The following VKORC1 variants were observed in gnomAD, a reference collection of about 807,000 sequenced individuals.
VKORC1 encodes phylloquinone epoxide reductase.
In VKORC1, 12 loss-of-function variants were observed where a neutral mutation model predicts 14.8. That is an observed-to-expected ratio of 0.81 (90% CI 0.52 to 1.31). The LOEUF is 1.31. Among genes scored for constraint, VKORC1 ranks in the 50% most tolerant of loss-of-function variants. The pLI is 0.00. For missense variants in VKORC1, 223 were observed against 215.3 expected, an observed-to-expected ratio of 1.04 and a Z score of -0.22; for synonymous variants, 94 against 92.5, an observed-to-expected ratio of 1.02 and a Z score of -0.09.
chr16:31,093,060 AAAC>A (rs1328150366), intron 2 of VKORC1, among the ~76,000 whole-genome samples: 10 of 152,082 alleles, frequency 6.6e-5, no homozygotes, highest in Admixed American at 1.3e-4. Flanking sequence ...CCCTGTCTCA[AAAC>A]AACAACAAAC....
At chr16:31,094,418 C>A in intron 1 of VKORC1, 139 bp downstream of exon 1, 1 of 1,612,944 alleles carries the variant, frequency 6.2e-7, no homozygotes, top group Non-Finnish European at 8.5e-7. Context: ...CTGGGTAGCT[C>A]AGCCCCTGTG....
rs1482710449 is a variant in VKORC1, at chr16:31,094,707, G to A, written c.23C>T (p.Pro8Leu). Reference sequence around the variant, plus strand: ...GCAAAGAGCGAGCCGCACCCAGCCAGGGCTCCCCCAGGTGCTGCCCATTAT... The same window carrying A: ...GCAAAGAGCGAGCCGCACCCAGCCAAGGCTCCCCCAGGTGCTGCCCATTAT... Reference protein sequence around the residue: MGSTWGSPGWVRLALCLT... With the variant: MGSTWGSLGWVRLALCLT... The change falls in exon 1 of 3, where the codon CCT (proline) becomes CTT (leucine). Residue 8 changes from proline to leucine, a missense_variant. Coordinates refer to ENST00000394975, the MANE Select transcript of VKORC1 (RefSeq NM_024006.6). The A allele has an allele frequency of 4.4e-6, 7 of 1,608,118 alleles. No individual in the cohort carries two copies. The highest frequency in any genetic ancestry group is 5.9e-6 in the Non-Finnish European group (7 of 1,178,828).
chr16:31,092,997 C>T (rs994752951), intron 2 of VKORC1: 66 of 425,440 alleles, frequency 1.6e-4, no homozygotes, highest in South Asian at 1.1e-3. Flanking sequence ...ACTGAGATCA[C>T]GCCAGTGCAC....
At chr16:31,092,581 C>A (rs2057296719) in intron 2 of VKORC1, among the ~76,000 whole-genome samples, 1 of 152,080 alleles carries the variant, frequency 6.6e-6, no homozygotes, top group Non-Finnish European at 1.5e-5. Context: ...GTCTCATCTC[C>A]GGCATATGGC....
intron 1 of VKORC1, chr16:31,094,031 T>A (rs2057310187): frequency 1.0e-6 from 1 of 966,174 alleles, no homozygotes; most frequent in Non-Finnish European, 1.5e-6. Context: ...ATGGCAAGGC[T>A]GGTATAACGG....
rs755256488 is a variant in VKORC1 at position 31,094,646 on chromosome 16, G to C, written c.84C>G (p.His28Gln). The change falls in exon 1 of 3, where the codon CAC (histidine) becomes CAG (glutamine). Residue 28 changes from histidine (H) to glutamine (Q), a missense_variant. Transcript: ENST00000394975. ...TGLVLSLYALHVKAARARDRD... is the reference protein window; with the variant it reads ...TGLVLSLYALQVKAARARDRD... ...GGTCCCGGGCGCGCGCCGCCTTCAC[G>C]TGCAGCGCGTAGAGCGAGAGCACTA... The C allele has an allele frequency of 6.2e-7, 1 of 1,607,234 alleles. No homozygotes were observed. Among genetic ancestry groups the C allele is most frequent in the South Asian group, 1.1e-5 (1 of 90,668 alleles).
Position 31,091,233 on chromosome 16 carries a change from G to A in VKORC1, c.393C>T (p.Phe131=). 1 of 1,614,220 alleles carries A rather than the reference G, an allele frequency of 6.2e-7. No homozygotes were observed. Among genetic ancestry groups the A allele is most frequent in the Non-Finnish European group, 8.5e-7 (1 of 1,180,054 alleles). Residue 131 remains phenylalanine (F), a synonymous_variant, in exon 3 of 3, where the codon TTC becomes TTT. Coordinates refer to ENST00000394975, the MANE Select transcript of VKORC1 (RefSeq NM_024006.6). The stretch of plus-strand genomic sequence containing the variant: ...CATAGGTGGTGATACAAACAATGCA[G>A]AAATCATAGAGCACGAAGAACAGGA... ...AWILFFVLYD[F]CIVCITTYAI...
At position 31,091,062 on chromosome 16, in the gene VKORC1, G is replaced by T. The variant is rs1596794614; in HGVS notation, c.*72C>A. ...ACATCTAGGGCCTTCTAGGGACCCA[G>T]ATATGCCCCCTTAGGCAAGGCTCAC... is the stretch of plus-strand genomic sequence containing the variant. On this transcript the variant is annotated 3_prime_UTR_variant, in exon 3 of 3. Transcript: ENST00000394975. The T allele has an allele frequency of 1.3e-6, 2 of 1,583,274 alleles. No individual in the cohort carries two copies. Among genetic ancestry groups the T allele is most frequent in the South Asian group, 2.3e-5 (2 of 87,490 alleles).
chr16:31,091,120 C>T lies in VKORC1; in HGVS notation c.*14G>A, dbSNP rs1203390842. 6.2e-7 allele frequency: 1 copy of T among 1,612,906 alleles called. No individual in the cohort carries two copies. The highest frequency in any genetic ancestry group is 1.7e-5 in the Admixed American group (1 of 59,996). The stretch of plus-strand genomic sequence containing the variant: ...AGCAAAGCAGATGAGGTCAGCCTGG[C>T]TTGGGTTGAGGGCTCAGTGCCTCTT... On this transcript the variant is annotated 3_prime_UTR_variant, in exon 3 of 3. Transcript: ENST00000394975.
At chr16:31,093,897 G>C in intron 1 of VKORC1, 1 of 324,690 alleles carries the variant, frequency 3.1e-6, no homozygotes, top group Non-Finnish European at 5.8e-6. Context: ...GGTAGAGACA[G>C]GCTTTCACCA....
chr16:31,093,939 A>T (rs2057309463), intron 1 of VKORC1: 9 of 410,212 alleles, frequency 2.2e-5, no homozygotes. Context: ...CCTGACTTCA[A>T]GTGATCCATC....
intron 1 of VKORC1, 29 bp from the exon 2 acceptor site, chr16:31,093,450 C>G: frequency 6.2e-7 from 1 of 1,614,046 alleles, no homozygotes; most frequent in South Asian, 1.1e-5. Flanking sequence ...GGGGTGGAAC[C>G]AGGTTAGGAC....
intron 1 of VKORC1, chr16:31,094,194 C>A (rs1342463709): frequency 6.3e-7 from 1 of 1,590,608 alleles, no homozygotes; most frequent in Admixed American, 1.7e-5. Context: ...GACCGGGCCA[C>A]CTTGTTCCTG....
Position 31,090,953 on chromosome 16 carries a change from G to C in VKORC1, c.*181C>G. On this transcript the variant is annotated 3_prime_UTR_variant, in exon 3 of 3. Transcript: ENST00000394975. Reference sequence around the variant, plus strand: ...ATGGGGACAGAGTCAGAGGCACTGGGTGTAAAAAAGAGCGAGCGTGTGGCA... The same window carrying C: ...ATGGGGACAGAGTCAGAGGCACTGGCTGTAAAAAAGAGCGAGCGTGTGGCA... 2.1e-6 allele frequency: 2 copies of C among 961,232 alleles called. No individual in the cohort carries two copies. Among genetic ancestry groups the C allele is most frequent in the Non-Finnish European group, 1.5e-6 (1 of 650,120 alleles). The allele number at this position is 961,232 out of a possible 1,614,324, so 59.5% of individuals were successfully genotyped here. A position where few individuals can be genotyped will look rare whatever the true frequency, so the allele number is the denominator to read the frequency against.
chr16:31,091,529 C>T (rs1050028249), intron 2 of VKORC1, among the ~76,000 whole-genome samples, 187 bp from the exon 3 acceptor site: 3 of 152,218 alleles, frequency 2.0e-5, no homozygotes, highest in African/African-American at 7.2e-5. Context: ...GGTGGGAAGA[C>T]TGCTTTAGGC....
chr16:31,093,129 T>G (rs2057300717), intron 2 of VKORC1, among the ~76,000 whole-genome samples, 183 bp downstream of exon 2: 1 of 151,986 alleles, frequency 6.6e-6, no homozygotes, highest in African/African-American at 2.4e-5. Flanking sequence ...TAACAGTACT[T>G]AAACCAATTA....
chr16:31,094,399 C>T (rs2057313189), intron 1 of VKORC1, 158 bp downstream of exon 1: 2 of 1,612,938 alleles, frequency 1.2e-6, no homozygotes, highest in East Asian at 2.2e-5. Context: ...ATTTCGAACA[C>T]CAGTATCGCT....
At chr16:31,092,805 TG>T in intron 2 of VKORC1, 1 of 1,263,820 alleles carries the variant, frequency 7.9e-7, no homozygotes, top group Non-Finnish European at 1.0e-6. Context: ...CCCAGCACTT[TG>T]GGAGGCTGAG....
rs2057284963 is a variant in VKORC1 at position 31,091,021 on chromosome 16, G to T, written c.*113C>A. The T allele has an allele frequency of 6.6e-7, 1 of 1,516,372 alleles. No individual in the cohort carries two copies. Among genetic ancestry groups the T allele is most frequent in the Admixed American group, 2.0e-5 (1 of 50,148 alleles). The allele number at this position is 1,516,372 out of a possible 1,614,324, so 93.9% of individuals were successfully genotyped here. On this transcript the variant is annotated 3_prime_UTR_variant, in exon 3 of 3. Coordinates refer to ENST00000394975, the MANE Select transcript of VKORC1 (RefSeq NM_024006.6). ...TGTGCGGGTATGGCAGGAGGAGGGG[G>T]TAATCTAGAAGCCCCACATCTAGGG...
Sources: gnomAD v4.1 joint callset for allele counts (sites outside exome capture counted in the v4.1 genomes callset) on GRCh38, gnomAD v4.1.1 for gene constraint, MANE v1.5 for transcripts, NCBI Gene and HGNC (gene_info 2026-07-23, HGNC 2026-07-21) for gene names.